Variants in SYT9 observed in about 807,000 individuals in gnomAD.
SYT9 encodes the protein synaptotagmin 9.
Under a neutral mutation model 48.4 loss-of-function variants are expected in SYT9, and 22 were observed. That is an observed-to-expected ratio of 0.45 (90% CI 0.32 to 0.65). The LOEUF is 0.65. Among genes scored for constraint, SYT9 ranks in the 30% least tolerant of loss-of-function variants. SYT9 has a pLI of 0.03. For missense variants in SYT9, 577 were observed against 622.0 expected, an observed-to-expected ratio of 0.93 and a Z score of 0.77; for synonymous variants, 265 against 245.0, an observed-to-expected ratio of 1.08 and a Z score of -0.76.
chr11:7,422,307 C>T (rs1041651072), intron 6 of SYT9, among the ~76,000 whole-genome samples: 1 of 152,112 alleles, frequency 6.6e-6, no homozygotes, highest in Non-Finnish European at 1.5e-5. Flanking sequence ...TCAGGGCACC[C>T]AGATGTATTC....
chr11:7,342,854 C>T (rs1356216547), intron 3 of SYT9, among the ~76,000 whole-genome samples: 2 of 152,244 alleles, frequency 1.3e-5, no homozygotes, highest in East Asian at 3.8e-4. Context: ...CATTTCCATA[C>T]AACCTCTGAA....
chr11:7,409,945 G>T (rs1188969169), intron 3 of SYT9, among the ~76,000 whole-genome samples: 5 of 151,884 alleles, frequency 3.3e-5, no homozygotes, highest in Non-Finnish European at 5.9e-5. Context: ...TGGGTTGTTT[G>T]TTTGAAATCT....
chr11:7,243,134 A>C (rs1028211005), intron 1 of SYT9, among the ~76,000 whole-genome samples: 2 of 152,196 alleles, frequency 1.3e-5, no homozygotes, highest in African/African-American at 4.8e-5. Context: ...AGTAGAGAAC[A>C]TAAAATATAT....
intron 1 of SYT9, among the ~76,000 whole-genome samples, chr11:7,245,073 T>C (rs1338337001): frequency 1.3e-5 from 2 of 152,234 alleles, no homozygotes; most frequent in East Asian, 3.8e-4. Flanking sequence ...ACCGGATATT[T>C]GTGTTCTGGA....
At chr11:7,380,578 C>A (rs1310973688) in intron 3 of SYT9, among the ~76,000 whole-genome samples, 2 of 150,478 alleles carry the variant, frequency 1.3e-5, no homozygotes, top group Non-Finnish European at 3.0e-5. Flanking sequence ...CTACTTTGCA[C>A]CCACCAAAAT....
At chr11:7,345,150 G>A (rs970501256) in intron 3 of SYT9, among the ~76,000 whole-genome samples, 1 of 151,836 alleles carries the variant, frequency 6.6e-6, no homozygotes, top group Non-Finnish European at 1.5e-5. Context: ...ATTGTTTATC[G>A]TTCTCTTCTC....
intron 3 of SYT9, among the ~76,000 whole-genome samples, chr11:7,347,744 A>C (rs892624559): frequency 6.6e-6 from 1 of 152,124 alleles, no homozygotes; most frequent in African/African-American, 2.4e-5. Context: ...CAGGACAAGG[A>C]ATTTTGGTGT....
At chr11:7,410,601 A>G (rs572676722) in intron 3 of SYT9, among the ~76,000 whole-genome samples, 1 of 152,208 alleles carries the variant, frequency 6.6e-6, no homozygotes, top group South Asian at 2.1e-4. Context: ...TATAATGACC[A>G]TCTTTGTCTT....
At chr11:7,340,540 G>A (rs559867890) in intron 3 of SYT9, among the ~76,000 whole-genome samples, 2 of 152,310 alleles carry the variant, frequency 1.3e-5, no homozygotes, top group South Asian at 4.1e-4. Flanking sequence ...TCAGGCAGGA[G>A]CAGGGTTATT....
chr11:7,281,868 A>T (rs1284773379), intron 1 of SYT9, among the ~76,000 whole-genome samples: 1 of 152,222 alleles, frequency 6.6e-6, no homozygotes, highest in Non-Finnish European at 1.5e-5. Context: ...TTGTTAAATA[A>T]GTTCATTCTG....
upstream of SYT9, among the ~76,000 whole-genome samples, chr11:7,251,682 A>C (rs1847869780): frequency 6.6e-6 from 1 of 152,106 alleles, no homozygotes; most frequent in African/African-American, 2.4e-5. Flanking sequence ...GGGGTGGAGT[A>C]GCGAAAGCGC....
intron 1 of SYT9, among the ~76,000 whole-genome samples, chr11:7,297,059 GGTGT>G (rs151226620): frequency 0.34 from 49,801 of 147,672 alleles, 9,279 homozygotes; most frequent in Non-Finnish European, 0.41. Flanking sequence ...TCTGAACCAC[GGTGT>G]GTGTGTGTGT....
At chr11:7,325,049 GTTA>G (rs920090335) in intron 3 of SYT9, among the ~76,000 whole-genome samples, 5 of 152,102 alleles carry the variant, frequency 3.3e-5, no homozygotes, top group African/African-American at 1.2e-4. Context: ...TCAACATTTT[GTTA>G]TTATTTAGTG....
At chr11:7,437,743 G>A (rs1053613818) in intron 6 of SYT9, 3 of 152,180 alleles carry the variant, frequency 2.0e-5, no homozygotes, top group Non-Finnish European at 4.4e-5. Flanking sequence ...GCCTGAGTTT[G>A]TGTTGCCACA....
At chr11:7,398,229 T>A (rs1300359671) in intron 3 of SYT9, among the ~76,000 whole-genome samples, 1 of 152,176 alleles carries the variant, frequency 6.6e-6, no homozygotes, top group Non-Finnish European at 1.5e-5. Context: ...TTTTAGTCTA[T>A]GATTTGGTGA....
chr11:7,367,361 G>A (rs1210078340), intron 3 of SYT9, among the ~76,000 whole-genome samples: 2 of 151,286 alleles, frequency 1.3e-5, no homozygotes, highest in Admixed American at 6.6e-5. Context: ...GATTAGAGGC[G>A]TGAGCCACCG....
intron 3 of SYT9, among the ~76,000 whole-genome samples, chr11:7,395,725 T>G (rs1846739015): frequency 6.6e-6 from 1 of 152,128 alleles, no homozygotes; most frequent in East Asian, 1.9e-4. Flanking sequence ...TTTGAGCCTA[T>G]AAGTGTCATT....
intron 6 of SYT9, among the ~76,000 whole-genome samples, chr11:7,426,881 C>T (rs1054066849): frequency 6.6e-6 from 1 of 152,084 alleles, no homozygotes; most frequent in South Asian, 2.1e-4. Context: ...CTCAATAAGG[C>T]CTGGCTTTAA....
chr11:7,365,069 G>A (rs1055951049), intron 3 of SYT9, among the ~76,000 whole-genome samples: 8 of 151,932 alleles, frequency 5.3e-5, no homozygotes, highest in South Asian at 2.1e-4. Context: ...GGCCCACCCC[G>A]CACATATTCT....
Sources: gnomAD v4.1 joint callset for allele counts (sites outside exome capture counted in the v4.1 genomes callset) on GRCh38, gnomAD v4.1.1 for gene constraint, MANE v1.5 for transcripts, NCBI Gene and HGNC (gene_info 2026-07-23, HGNC 2026-07-21) for gene names.